LRRTM4: variants seen among roughly 807,000 people sequenced by gnomAD.
The protein encoded by LRRTM4 is leucine-rich repeat transmembrane neuronal protein 4.
Under a neutral mutation model 47.6 loss-of-function variants are expected in LRRTM4, and 25 were observed. That is an observed-to-expected ratio of 0.53 (90% CI 0.38 to 0.73). The LOEUF is 0.73. LRRTM4 is among the 30% of genes least tolerant of loss of function. LRRTM4 has a pLI of 0.00. For missense variants in LRRTM4, 638 were observed against 713.4 expected (o/e 0.89, Z 1.20); for synonymous variants, 311 against 269.5 (o/e 1.15, Z -1.51).
At chr2:77,498,930 C>T (rs1347926502) in intron 3 of LRRTM4, among the ~76,000 whole-genome samples, 1 of 151,816 alleles carries the variant, frequency 6.6e-6, no homozygotes, top group Non-Finnish European at 1.5e-5. Context: ...TTTAGAGATA[C>T]CTACAGATCT....
At chr2:76,791,440 G>T (rs1454142455) in intron 3 of LRRTM4, among the ~76,000 whole-genome samples, 2 of 152,126 alleles carry the variant, frequency 1.3e-5, no homozygotes, top group Non-Finnish European at 2.9e-5. Flanking sequence ...ATTTATCAGA[G>T]AATTTAGAGG....
chr2:77,006,745 T>A (rs1202038953), intron 3 of LRRTM4, among the ~76,000 whole-genome samples: 2 of 152,112 alleles, frequency 1.3e-5, no homozygotes, highest in African/African-American at 2.4e-5. Flanking sequence ...CGACTGGACA[T>A]TTTGGTGCTT....
At chr2:77,051,637 T>C (rs1161774482) in intron 3 of LRRTM4, among the ~76,000 whole-genome samples, 2 of 152,234 alleles carry the variant, frequency 1.3e-5, no homozygotes, top group Admixed American at 6.5e-5. Context: ...AATTATTTTC[T>C]ATTCTTTTTC....
At chr2:76,969,164 C>T (rs1676137868) in intron 3 of LRRTM4, among the ~76,000 whole-genome samples, 2 of 151,948 alleles carry the variant, frequency 1.3e-5, no homozygotes, top group African/African-American at 4.8e-5. Flanking sequence ...TCAGGAATCT[C>T]CACCACACAG....
At chr2:77,253,446 T>C (rs1253258911) in intron 3 of LRRTM4, among the ~76,000 whole-genome samples, 1 of 152,126 alleles carries the variant, frequency 6.6e-6, no homozygotes, top group East Asian at 1.9e-4. Flanking sequence ...CTAACCTCTG[T>C]TGAAGCTGTT....
rs1671996204 is a variant in LRRTM4 at position 77,137,872 on chromosome 2, CAAA to C, written c.1551+380443_1551+380445del. On this transcript the variant is annotated intron_variant, in intron 3 of 3. Transcript: ENST00000409884. ...TTAAACCAACAGAGATCAAAAGAGA[CAAA>C]GAAGGCCATTACATAATGGTGAGGG... Among the ~76,000 whole-genome samples, 6 of 152,146 alleles carry C rather than the reference CAAA, an allele frequency of 3.9e-5. No homozygotes were observed. In the South Asian group the frequency reaches 1.2e-3, roughly 32 times the overall value.
intron 3 of LRRTM4, among the ~76,000 whole-genome samples, chr2:76,796,896 G>A (rs10177114): frequency 0.11 from 17,213 of 152,020 alleles, 1,202 homozygotes; most frequent in Non-Finnish European, 0.14. Flanking sequence ...GAAATGAAGC[G>A]AGAAGGGAAG....
intron 3 of LRRTM4, among the ~76,000 whole-genome samples, chr2:76,781,741 A>T (rs1395932999): frequency 1.3e-5 from 2 of 152,034 alleles, no homozygotes; most frequent in East Asian, 1.9e-4. Context: ...GGAGCTATAG[A>T]CCGGAGCTGT....
At chr2:77,289,122 A>G (rs1676748224) in intron 3 of LRRTM4, among the ~76,000 whole-genome samples, 1 of 152,084 alleles carries the variant, frequency 6.6e-6, no homozygotes, top group South Asian at 2.1e-4. Context: ...TACCATATGC[A>G]TGAATTGGAC....
chr2:77,155,931 T>C (rs866042669), intron 3 of LRRTM4, among the ~76,000 whole-genome samples: 21 of 152,134 alleles, frequency 1.4e-4, no homozygotes, highest in African/African-American at 4.1e-4. Flanking sequence ...CCTGAGGTAA[T>C]AGATATATGA....
chr2:76,907,669 C>G lies in LRRTM4; in HGVS notation c.1552-158753G>C, dbSNP rs1339421893. On this transcript the variant is annotated intron_variant, in intron 3 of 3. Transcript: ENST00000409884. ...AAAATGATAAAGGGGATATCACCATCGATACCACAGAAATACAAACTACCA... is the reference window on the plus strand; with the variant it reads ...AAAATGATAAAGGGGATATCACCATGGATACCACAGAAATACAAACTACCA... Among the ~76,000 whole-genome samples the G allele has an allele frequency of 3.5e-5, 4 of 113,624 alleles. 1 individual carries two copies. Among genetic ancestry groups the G allele is most frequent in the Non-Finnish European group, 6.8e-5 (4 of 59,094 alleles). The allele number at this position is 113,624 out of a possible 152,430, so 74.5% of individuals were successfully genotyped here.
intron 3 of LRRTM4, among the ~76,000 whole-genome samples, chr2:77,313,203 T>G (rs572126080): frequency 6.6e-6 from 1 of 151,296 alleles, no homozygotes; most frequent in Non-Finnish European, 1.5e-5. Flanking sequence ...GTTGTGGTGA[T>G]GTGCCTCCCG....
At chr2:77,349,877 C>T (rs1671695035) in intron 3 of LRRTM4, among the ~76,000 whole-genome samples, 1 of 152,008 alleles carries the variant, frequency 6.6e-6, no homozygotes, top group African/African-American at 2.4e-5. Context: ...AGTTAGCTAG[C>T]TAGGAGAATA....
chr2:77,028,223 G>A (rs946162299), intron 3 of LRRTM4, among the ~76,000 whole-genome samples: 25 of 152,220 alleles, frequency 1.6e-4, no homozygotes, highest in South Asian at 4.1e-4. Context: ...AGAACGTAGC[G>A]CATGACTCAT....
chr2:77,124,302 A>C (rs569480589), intron 3 of LRRTM4, among the ~76,000 whole-genome samples: 6 of 152,222 alleles, frequency 3.9e-5, no homozygotes, highest in African/African-American at 1.4e-4. Context: ...ATACAGAGCA[A>C]CAAGAACAGG....
At chr2:77,113,788 G>C (rs1005561830) in intron 3 of LRRTM4, among the ~76,000 whole-genome samples, 1 of 152,056 alleles carries the variant, frequency 6.6e-6, no homozygotes, top group Non-Finnish European at 1.5e-5. Context: ...GCAGAGGAGG[G>C]GGAAGGGCCT....
intron 3 of LRRTM4, among the ~76,000 whole-genome samples, chr2:77,489,247 T>C (rs1678046141): frequency 6.6e-6 from 1 of 152,142 alleles, no homozygotes; most frequent in Non-Finnish European, 1.5e-5. Flanking sequence ...ATATTACCCT[T>C]TGGGAGAAGA....
At chr2:77,471,598 G>T in intron 3 of LRRTM4, among the ~76,000 whole-genome samples, 1 of 152,006 alleles carries the variant, frequency 6.6e-6, no homozygotes, top group East Asian at 1.9e-4. Flanking sequence ...TGGTCTCCTT[G>T]TTGATCCTCA....
At chr2:77,464,607 A>G (rs17700606) in intron 3 of LRRTM4, among the ~76,000 whole-genome samples, 40,380 of 151,822 alleles carry the variant, frequency 0.27, 5,706 homozygotes, top group South Asian at 0.36. Flanking sequence ...CTACAGATTC[A>G]CTTGGATGGA....
Sources: gnomAD v4.1 joint callset for allele counts (sites outside exome capture counted in the v4.1 genomes callset) on GRCh38, gnomAD v4.1.1 for gene constraint, MANE v1.5 for transcripts, NCBI Gene and HGNC (gene_info 2026-07-23, HGNC 2026-07-21) for gene names.